Variants in SLC26A5 observed in about 807,000 individuals in gnomAD.
SLC26A5 encodes the protein solute carrier family 26 member 5, also known as prestin.
SLC26A5 carries 51 observed loss-of-function variants against 81.0 expected under a neutral mutation model. That is an observed-to-expected ratio of 0.63 (90% CI 0.50 to 0.80). The LOEUF is 0.80. Ranked by LOEUF, SLC26A5 falls within the 30% of genes least tolerant of loss-of-function variation. The probability of loss-of-function intolerance (pLI) is 0.00; values close to 1 mark genes in which losing one functional copy is unlikely to be tolerated. For missense variants in SLC26A5, 771 were observed against 905.8 expected (o/e 0.85, Z 1.91); for synonymous variants, 325 against 332.8 (o/e 0.98, Z 0.25).
chr7:103,405,404 C>G (rs1025412203), intron 8 of SLC26A5, among the ~76,000 whole-genome samples: 5 of 152,072 alleles, frequency 3.3e-5, no homozygotes, highest in Non-Finnish European at 5.9e-5. Flanking sequence ...GATGCTATTC[C>G]TTTCTGTTTG....
chr7:103,433,518 G>A (rs1299748129), intron 2 of SLC26A5: 2 of 152,036 alleles, frequency 1.3e-5, no homozygotes, highest in African/African-American at 4.8e-5. Context: ...ATCAGTAACT[G>A]GTTGTATAAA....
At chr7:103,369,947 T>G (rs1245991529), downstream of SLC26A5, among the ~76,000 whole-genome samples, 4 of 152,210 alleles carry the variant, frequency 2.6e-5, no homozygotes, top group Non-Finnish European at 5.9e-5. Flanking sequence ...TACAGCTTTC[T>G]CAAAGGCCAG....
chr7:103,373,196 C>T (rs1429503756), downstream of SLC26A5, among the ~76,000 whole-genome samples: 1 of 152,150 alleles, frequency 6.6e-6, no homozygotes, highest in Admixed American at 6.5e-5. Flanking sequence ...AGGAATACCA[C>T]ACAGATAAGT....
intron 7 of SLC26A5, 140 bp downstream of exon 7, chr7:103,410,245 G>C (rs926522044): frequency 9.2e-6 from 7 of 758,744 alleles, no homozygotes; most frequent in African/African-American, 3.5e-5. Context: ...GAAAACCTTA[G>C]AATAAATGAA....
intron 8 of SLC26A5, among the ~76,000 whole-genome samples, chr7:103,398,586 G>A (rs994390194): frequency 2.0e-5 from 3 of 152,196 alleles, no homozygotes; most frequent in East Asian, 1.9e-4. Flanking sequence ...CTTTACATAC[G>A]CCCATCCTGG....
At chr7:103,434,469 C>T (rs950137368) in intron 2 of SLC26A5, among the ~76,000 whole-genome samples, 1 of 152,014 alleles carries the variant, frequency 6.6e-6, no homozygotes. Flanking sequence ...CACACTTTTC[C>T]TCAACTACAG....
Position 103,377,633 on chromosome 7 carries a change from A to C in SLC26A5, c.1952T>G (p.Phe651Cys), listed in dbSNP as rs895809138. Residue 651 changes from phenylalanine (F) to cysteine (C), a missense_variant, in exon 18 of 20, where the codon TTT becomes TGT. Coordinates refer to ENST00000306312, the MANE Select transcript of SLC26A5 (RefSeq NM_198999.3). ...AGTTTTCACTCCAACAGAATCAATA[A>C]AATTGACTTGAGTGAAATCCAAAAT... Reference protein sequence around the residue: ...TVILDFTQVNFIDSVGVKTLA... With the variant: ...TVILDFTQVNCIDSVGVKTLA... The C allele has an allele frequency of 6.2e-7, 1 of 1,613,998 alleles. No homozygotes were observed. The highest frequency in any genetic ancestry group is 1.3e-5 in the African/African-American group (1 of 74,912).
intron 2 of SLC26A5, among the ~76,000 whole-genome samples, chr7:103,432,941 T>C (rs940446272): frequency 2.6e-5 from 4 of 152,172 alleles, no homozygotes; most frequent in South Asian, 2.1e-4. Context: ...ACAGAGGAAG[T>C]ATAATTTTGA....
chr7:103,429,164 T>G (rs564185502), intron 2 of SLC26A5, among the ~76,000 whole-genome samples: 1 of 152,238 alleles, frequency 6.6e-6, no homozygotes, highest in Non-Finnish European at 1.5e-5. Flanking sequence ...TGTCTGAAAC[T>G]AAGAGCCATC....
At chr7:103,412,885 A>G (rs1192378532) in intron 5 of SLC26A5, 117 bp downstream of exon 5, 3 of 775,776 alleles carry the variant, frequency 3.9e-6, no homozygotes, top group South Asian at 2.9e-5. Context: ...TTGTGTATGC[A>G]GTAACAAAAG....
chr7:103,379,421 G>T, intron 15 of SLC26A5, 86 bp from the exon 16 acceptor site: 1 of 819,180 alleles, frequency 1.2e-6, no homozygotes. Context: ...AATAGAAAAT[G>T]AATGCAGAAG....
At chr7:103,394,712 A>G (rs1294940839) in intron 9 of SLC26A5, among the ~76,000 whole-genome samples, 3 of 152,180 alleles carry the variant, frequency 2.0e-5, no homozygotes, top group African/African-American at 7.2e-5. Context: ...TTTGCCTCCA[A>G]ATAGGCCACC....
chr7:103,419,428 A>G (rs1282936450), intron 4 of SLC26A5, among the ~76,000 whole-genome samples: 2 of 152,026 alleles, frequency 1.3e-5, no homozygotes, highest in South Asian at 2.1e-4. Flanking sequence ...ACCATACCCA[A>G]TTCTTTTCCT....
intron 11 of SLC26A5, 93 bp from the exon 12 acceptor site, chr7:103,390,599 G>A: frequency 1.0e-6 from 1 of 979,096 alleles, no homozygotes; most frequent in South Asian, 1.3e-5. Flanking sequence ...AATTACTATG[G>A]GAAGATCAAG....
intron 2 of SLC26A5, among the ~76,000 whole-genome samples, chr7:103,438,203 A>G (rs1410223527): frequency 1.3e-5 from 2 of 152,110 alleles, no homozygotes; most frequent in African/African-American, 4.8e-5. Context: ...ACTAAGAGTA[A>G]ATTTCAAATT....
At chr7:103,401,987 T>G (rs1823628217) in intron 8 of SLC26A5, among the ~76,000 whole-genome samples, 1 of 152,238 alleles carries the variant, frequency 6.6e-6, no homozygotes. Context: ...TTCGCATCGA[T>G]ATTCATCAGG....
downstream of SLC26A5, among the ~76,000 whole-genome samples, chr7:103,371,473 C>G (rs559608684): frequency 6.6e-6 from 1 of 150,466 alleles, no homozygotes. Context: ...TACAGGCGCC[C>G]GCCACTACGC....
intron 14 of SLC26A5, among the ~76,000 whole-genome samples, chr7:103,385,418 G>C (rs1368711701): frequency 6.6e-6 from 1 of 152,008 alleles, no homozygotes; most frequent in Non-Finnish European, 1.5e-5. Context: ...ACAGCTGGCC[G>C]GGCCATGATT....
chr7:103,386,557 T>C (rs1471863654), intron 14 of SLC26A5, among the ~76,000 whole-genome samples: 2 of 151,866 alleles, frequency 1.3e-5, no homozygotes, highest in African/African-American at 2.4e-5. Flanking sequence ...AGCAAGACTC[T>C]GTCTCAAAAG....
Sources: gnomAD v4.1 joint callset for allele counts (sites outside exome capture counted in the v4.1 genomes callset) on GRCh38, gnomAD v4.1.1 for gene constraint, MANE v1.5 for transcripts, NCBI Gene and HGNC (gene_info 2026-07-23, HGNC 2026-07-21) for gene names.